Variants in HK2 observed in about 807,000 individuals in gnomAD.
The protein encoded by HK2 is hexokinase-2.
A neutral mutation model predicts 92.9 loss-of-function variants in HK2; 42 were observed. That is an observed-to-expected ratio of 0.45 (90% CI 0.35 to 0.58). HK2 has a LOEUF of 0.58. HK2 is among the 20% of genes least tolerant of loss of function. The probability of loss-of-function intolerance (pLI) is 0.00; values close to 1 mark genes in which losing one functional copy is unlikely to be tolerated. For synonymous variants in HK2, 422 were observed against 468.0 expected, an observed-to-expected ratio of 0.90 and a Z score of 1.27; for missense variants, 978 against 1,245.1, an observed-to-expected ratio of 0.79 and a Z score of 3.23.
intron 3 of HK2, 82 bp downstream of exon 3, chr2:74,867,866 CAGCGTGTGGAT>C: frequency 6.6e-7 from 1 of 1,514,290 alleles, no homozygotes; most frequent in East Asian, 2.3e-5. Flanking sequence ...CAGCCGCTCC[CAGCGTGTGGAT>C]AGGCAGTCAC....
At position 74,892,824 on chromosome 2, in the gene HK2, C is replaced by T. The variant is rs534976899; in HGVS notation, c.*1883C>T. 7 of 152,294 alleles carry T rather than the reference C, an allele frequency of 4.6e-5. No homozygotes were observed. The highest frequency in any genetic ancestry group is 1.3e-4 in the Admixed American group (2 of 15,292). 9.4% of individuals were successfully genotyped at this position (152,294 alleles called of 1,614,324 possible). A position where few individuals can be genotyped will look rare whatever the true frequency, so the allele number is the denominator to read the frequency against. On this transcript the variant is annotated 3_prime_UTR_variant, in exon 18 of 18. Transcript: ENST00000290573. ...AGAGGGGCTAGGGGCTGGTCCTTCT[C>T]GTTTGCTCTAGTCTTGCTTTGCTGT...
At chr2:74,852,407 C>T (rs1038771087) in intron 1 of HK2, among the ~76,000 whole-genome samples, 6 of 152,208 alleles carry the variant, frequency 3.9e-5, no homozygotes, top group Non-Finnish European at 5.9e-5. Context: ...ATTTGTCTGA[C>T]ACTTCACTGA....
chr2:74,873,804 G>C (rs1689158674), intron 5 of HK2, 40 bp from the exon 6 acceptor site: 1 of 1,430,258 alleles, frequency 7.0e-7, no homozygotes, highest in Admixed American at 1.7e-5. Context: ...GTCGCCCTCT[G>C]TGATGATGAA....
intron 1 of HK2, among the ~76,000 whole-genome samples, chr2:74,853,518 A>AAACAACAACAAC (rs146960066): frequency 4.4e-4 from 63 of 143,482 alleles, no homozygotes; most frequent in South Asian, 9.5e-4. Flanking sequence ...CTCAGCCTCA[A>AAACAACAACAAC]AACAACAACA....
rs991757972 is a variant in HK2 at position 74,891,281 on chromosome 2, G to A, written c.*340G>A. On this transcript the variant is annotated 3_prime_UTR_variant, in exon 18 of 18. Transcript: ENST00000290573. ...AGGATGGGGACACTAATGAAGATAC[G>A]GTTGCTTCACCTTGGAGCCTGAACA... The A allele has an allele frequency of 5.2e-5, 18 of 349,248 alleles. No homozygotes were observed. Among genetic ancestry groups the A allele is most frequent in the Non-Finnish European group, 8.3e-5 (15 of 181,358 alleles). 21.6% of individuals were successfully genotyped at this position (349,248 alleles called of 1,614,324 possible). A position where few individuals can be genotyped will look rare whatever the true frequency, so the allele number is the denominator to read the frequency against.
At chr2:74,857,747 G>C (rs899396948) in intron 2 of HK2, among the ~76,000 whole-genome samples, 2 of 152,188 alleles carry the variant, frequency 1.3e-5, no homozygotes, top group African/African-American at 4.8e-5. Flanking sequence ...TATGGAATAT[G>C]GCAGTGAAAA....
Position 74,864,918 on chromosome 2 carries a change from C to G in HK2, c.227-2718C>G, listed in dbSNP as rs997129830. ...TGTTCTACAGGTGAGGTGACATGCT[C>G]AGAGAGCCCTGTGATGTGCCCACAC... is the stretch of plus-strand genomic sequence containing the variant. On this transcript the variant is annotated intron_variant, in intron 2 of 17. Transcript: ENST00000290573. Among the ~76,000 whole-genome samples, 3 of 152,220 alleles carry G rather than the reference C, an allele frequency of 2.0e-5. No homozygotes were observed. In the East Asian group the frequency reaches 5.8e-4, roughly 29 times the overall value.
chr2:74,867,397 A>AT lies in HK2; in HGVS notation c.227-237dup, dbSNP rs539407273. Reference sequence around the variant, plus strand: ...GGAAAGGATGGGAAGGGAGTGAGGGATTAAAAAAAAAACAGCCCTGTGAGT... The same window carrying AT: ...GGAAAGGATGGGAAGGGAGTGAGGGATTTAAAAAAAAAACAGCCCTGTGAGT... On this transcript the variant is annotated intron_variant, in intron 2 of 17. Coordinates refer to ENST00000290573, the MANE Select transcript of HK2 (RefSeq NM_000189.5). Among the ~76,000 whole-genome samples the AT allele has an allele frequency of 8.1e-4, 122 of 151,234 alleles. 1 individual carries two copies. Among genetic ancestry groups the AT allele is most frequent in the African/African-American group, 2.9e-3 (117 of 40,606 alleles).
intron 1 of HK2, among the ~76,000 whole-genome samples, chr2:74,851,372 G>A (rs1411508618): frequency 6.6e-6 from 1 of 152,258 alleles, no homozygotes; most frequent in Non-Finnish European, 1.5e-5. Flanking sequence ...CATTGAACAT[G>A]TGGAAGATGG....
intron 2 of HK2, among the ~76,000 whole-genome samples, chr2:74,855,065 C>T (rs915069195): frequency 1.3e-5 from 2 of 152,202 alleles, no homozygotes; most frequent in Admixed American, 6.5e-5. Context: ...GATGCGATCT[C>T]GGCTCACCGC....
At position 74,888,000 on chromosome 2, in the gene HK2, T is replaced by C. The variant is rs1171517868; in HGVS notation, c.2317T>C (p.Ser773Pro). The C allele has an allele frequency of 6.2e-7, 1 of 1,614,050 alleles. No homozygotes were observed. Among genetic ancestry groups the C allele is most frequent in the Non-Finnish European group, 8.5e-7 (1 of 1,180,004 alleles). Residue 773 changes from serine (S) to proline (P), a missense_variant, in exon 16 of 18, where the codon TCA (serine) becomes CCA (proline). Ser to Pro is a moderately conservative substitution (Grantham distance 74). This residue lies in a region of HK2 where 742 missense variants were observed against 922.5 expected (regional missense o/e 0.80). Transcript: ENST00000290573. Reference sequence around the variant, plus strand: ...TGGACTACTCTTCCGAGGCCGCATCTCAGAGCGGCTCAAGACAAGGGGCAT... The same window carrying C: ...TGGACTACTCTTCCGAGGCCGCATCCCAGAGCGGCTCAAGACAAGGGGCAT... The part of the protein sequence containing the change: ...KRGLLFRGRI[S>P]ERLKTRGIFE...
chr2:74,890,040 T>G (rs1166141643), intron 17 of HK2, among the ~76,000 whole-genome samples: 1 of 152,250 alleles, frequency 6.6e-6, no homozygotes, highest in Non-Finnish European at 1.5e-5. Context: ...TTCTGGCAAA[T>G]GTAATGCTAG....
chr2:74,888,907 G>A (rs1689604520), intron 16 of HK2, among the ~76,000 whole-genome samples: 1 of 152,118 alleles, frequency 6.6e-6, no homozygotes, highest in Non-Finnish European at 1.5e-5. Flanking sequence ...GAACAGCAGC[G>A]AGAAAATGGA....
chr2:74,854,802 C>T (rs1573364321), intron 2 of HK2, among the ~76,000 whole-genome samples: 1 of 152,324 alleles, frequency 6.6e-6, no homozygotes, highest in South Asian at 2.1e-4. Flanking sequence ...AAACGTACCT[C>T]ACGTGGCCAC....
At chr2:74,847,704 C>T (rs375771623) in intron 1 of HK2, among the ~76,000 whole-genome samples, 2,517 of 145,844 alleles carry the variant, frequency 0.017, 70 homozygotes, top group African/African-American at 0.059. Context: ...GACTCTGTCT[C>T]TAAAGTTAAA....
In HK2 at chr2:74,834,602, G is replaced by A. The variant is rs1444749862; in HGVS notation, c.22G>A (p.Ala8Thr). 5 of 1,613,804 alleles carry A rather than the reference G, an allele frequency of 3.1e-6. No individual in the cohort carries two copies. Among genetic ancestry groups the A allele is most frequent in the African/African-American group, 1.3e-5 (1 of 74,910 alleles). The change falls in exon 1 of 18, where the codon GCC becomes ACC. Residue 8 changes from alanine (A) to threonine (T), a missense_variant. Ala to Thr is a moderately conservative substitution (Grantham distance 58). This residue lies in a region of HK2 where 47 missense variants were observed against 33.1 expected (regional missense o/e 1.42). Transcript: ENST00000290573. The surrounding 1 kb of genome is among the most constrained non-coding windows in gnomAD (Gnocchi z 4.2). Reference sequence around the variant, plus strand: ...CAGGATGATTGCCTCGCATCTGCTTGCCTACTTCTTCACGGAGCTCAACCA... The same window carrying A: ...CAGGATGATTGCCTCGCATCTGCTTACCTACTTCTTCACGGAGCTCAACCA... MIASHLLAYFFTELNHDQ... is the reference protein window; with the variant it reads MIASHLLTYFFTELNHDQ...
chr2:74,859,041 G>C (rs1182383547), intron 2 of HK2, among the ~76,000 whole-genome samples: 1 of 152,214 alleles, frequency 6.6e-6, no homozygotes, highest in Non-Finnish European at 1.5e-5. Context: ...TTTGGTGTCA[G>C]CCAGAATACA....
At chr2:74,859,726 G>T (rs1474270431) in intron 2 of HK2, among the ~76,000 whole-genome samples, 4 of 152,222 alleles carry the variant, frequency 2.6e-5, no homozygotes, top group African/African-American at 9.6e-5. Context: ...CTGTTGGTGG[G>T]AATGTAAATA....
chr2:74,876,954 C>T (rs1373729798), intron 7 of HK2, among the ~76,000 whole-genome samples: 1 of 152,154 alleles, frequency 6.6e-6, no homozygotes, highest in East Asian at 1.9e-4. Flanking sequence ...TTCATTTATT[C>T]TTCTCCATAG....
Sources: allele counts gnomAD v4.1 joint callset (sites outside exome capture counted in the v4.1 genomes callset), GRCh38; gene constraint gnomAD v4.1.1; regional missense constraint gnomAD v4.1.1; non-coding constraint Gnocchi (gnomAD v3.1); transcripts MANE v1.5; gene names NCBI Gene and HGNC (gene_info 2026-07-23, HGNC 2026-07-21).